The following TCAIM variants were observed in gnomAD, a reference collection of about 807,000 sequenced individuals.
TCAIM encodes T cell activation inhibitor, mitochondrial, also known as T-cell activation inhibitor, mitochondrial.
A neutral mutation model predicts 58.6 loss-of-function variants in TCAIM; 36 were observed. The ratio of observed to expected loss-of-function variants is 0.61; its 90% CI spans 0.47 to 0.81. The LOEUF is 0.81. Ranked by LOEUF, TCAIM falls within the 30% of genes least tolerant of loss-of-function variation. The pLI, the probability that TCAIM is intolerant of heterozygous loss-of-function variation, is 0.00. For synonymous variants in TCAIM, 172 were observed against 193.6 expected, an observed-to-expected ratio of 0.89 and a Z score of 0.93; for missense variants, 466 against 579.6, an observed-to-expected ratio of 0.80 and a Z score of 2.01.
intron 6 of TCAIM, 50 bp downstream of exon 6, chr3:44,393,027 A>G (rs1293775107): frequency 6.5e-7 from 1 of 1,535,938 alleles, no homozygotes; most frequent in Non-Finnish European, 8.9e-7. Context: ...AATATGAATT[A>G]CCAACTGATA....
At chr3:44,347,820 G>T (rs1187173085) in intron 1 of TCAIM, among the ~76,000 whole-genome samples, 1 of 152,094 alleles carries the variant, frequency 6.6e-6, no homozygotes, top group Non-Finnish European at 1.5e-5. Flanking sequence ...ATGGTAAGGG[G>T]GTGCATGATT....
intron 3 of TCAIM, chr3:44,358,483 A>G (rs1186447606): frequency 4.0e-6 from 2 of 502,596 alleles, no homozygotes; most frequent in Non-Finnish European, 6.8e-6. Context: ...TCTGTACTAC[A>G]CATGAACAAA....
intron 1 of TCAIM, 61 bp from the exon 2 acceptor site, chr3:44,354,678 G>A (rs779876347): frequency 1.3e-5 from 15 of 1,123,968 alleles, no homozygotes; most frequent in Admixed American, 2.4e-5. Context: ...AATATAAATC[G>A]CAATGTGTTT....
intron 5 of TCAIM, among the ~76,000 whole-genome samples, chr3:44,373,558 G>A (rs1701515023): frequency 6.6e-6 from 1 of 151,952 alleles, no homozygotes; most frequent in South Asian, 2.1e-4. Flanking sequence ...GGTGACTGAG[G>A]CAGGAGAACT....
At chr3:44,342,929 G>A (rs1410642393) in intron 1 of TCAIM, among the ~76,000 whole-genome samples, 1 of 152,016 alleles carries the variant, frequency 6.6e-6, no homozygotes, top group Non-Finnish European at 1.5e-5. Flanking sequence ...CTGAGGTCAG[G>A]AGTTCGAGAC....
Position 44,367,688 on chromosome 3 carries a change from G to A in TCAIM, c.552G>A (p.Ser184=), listed in dbSNP as rs114244225. The change falls in exon 5 of 11, where the codon TCG becomes TCA. Residue 184 remains serine, a synonymous_variant. Coordinates refer to ENST00000342649, the MANE Select transcript of TCAIM (RefSeq NM_173826.4). ...KDPDEDLEQV[S]RVETTLTSWL... The stretch of plus-strand genomic sequence containing the variant: ...CTGATGAAGACCTTGAACAAGTCTC[G>A]AGAGTGGAAACAACTCTCACGTATG... 2.2e-4 allele frequency: 350 copies of A among 1,611,666 alleles called. No homozygotes were observed. The African/African-American group carries it at 4.2e-3, about 19-fold the overall frequency.
At chr3:44,352,056 A>G (rs1241738100) in intron 1 of TCAIM, among the ~76,000 whole-genome samples, 1 of 148,896 alleles carries the variant, frequency 6.7e-6, no homozygotes, top group African/African-American at 2.4e-5. Context: ...TTATATATGT[A>G]TTATATATAA....
Position 44,361,493 on chromosome 3 carries a change from T to A in TCAIM, c.294T>A (p.Asp98Glu). The stretch of plus-strand genomic sequence containing the variant: ...GAGAAACAGACCAGAGTTCCTCCGA[T>A]GGCCAGGAACCTTTTAGTACTTCCG... ...YVRETDQSSS[D>E]GQEPFSTSGF... Residue 98 changes from aspartate (D) to glutamate (E), a missense_variant, in exon 4 of 11, where the codon GAT (aspartate) becomes GAA (glutamate). Physicochemically the swap from Asp to Glu is conservative, Grantham distance 45. Coordinates refer to ENST00000342649, the MANE Select transcript of TCAIM (RefSeq NM_173826.4). 1 of 1,606,002 alleles carries A rather than the reference T, an allele frequency of 6.2e-7. No homozygotes were observed. Among genetic ancestry groups the A allele is most frequent in the Non-Finnish European group, 8.5e-7 (1 of 1,177,056 alleles).
chr3:44,401,015 G>A, intron 9 of TCAIM, 188 bp from the exon 10 acceptor site: 1 of 778,232 alleles, frequency 1.3e-6, no homozygotes, highest in Non-Finnish European at 1.9e-6. Context: ...GGGCTTGCAA[G>A]TAGGTCGTGA....
intron 10 of TCAIM, 45 bp downstream of exon 10, chr3:44,401,379 C>G (rs1702020132): frequency 6.2e-7 from 1 of 1,607,754 alleles, no homozygotes; most frequent in African/African-American, 1.3e-5. Flanking sequence ...TTCAGTCTAA[C>G]TGAAAACCTC....
chr3:44,389,762 C>G (rs1158825786), intron 5 of TCAIM, among the ~76,000 whole-genome samples: 1 of 150,800 alleles, frequency 6.6e-6, no homozygotes, highest in Non-Finnish European at 1.5e-5. Context: ...AAAAAAACAT[C>G]GAACACTTTC....
At chr3:44,359,177 G>A in intron 3 of TCAIM, 2 of 736,146 alleles carry the variant, frequency 2.7e-6, no homozygotes, top group Non-Finnish European at 3.3e-6. Context: ...CTTGAGCCCA[G>A]GAATTCAAGC....
chr3:44,375,101 T>C (rs955645062), intron 5 of TCAIM, among the ~76,000 whole-genome samples: 1 of 152,218 alleles, frequency 6.6e-6, no homozygotes, highest in Non-Finnish European at 1.5e-5. Context: ...TCTTTTGGCT[T>C]CATTTTATTA....
rs924589693 is a variant in TCAIM, at chr3:44,409,245, G to C, written c.*1563G>C. 2 of 152,102 alleles carry C rather than the reference G, an allele frequency of 1.3e-5. No homozygotes were observed. The highest frequency in any genetic ancestry group is 2.9e-5 in the Non-Finnish European group (2 of 68,008). 9.4% of individuals were successfully genotyped at this position (152,102 alleles called of 1,614,324 possible). ...AACTGTACTTAAATTTTGTTTTCTA[G>C]TGTAACAAATGTTTCCCATAAGATT... On this transcript the variant is annotated 3_prime_UTR_variant, in exon 11 of 11. Coordinates refer to ENST00000342649, the MANE Select transcript of TCAIM (RefSeq NM_173826.4).
intron 6 of TCAIM, among the ~76,000 whole-genome samples, chr3:44,394,809 G>A (rs1388667232): frequency 1.4e-5 from 2 of 141,274 alleles, no homozygotes; most frequent in African/African-American, 5.3e-5. Context: ...CAGGAGAATT[G>A]CTTGAACTCA....
At chr3:44,357,672 A>G in intron 2 of TCAIM, 69 bp from the exon 3 acceptor site, 1 of 1,575,634 alleles carries the variant, frequency 6.3e-7, no homozygotes, top group Non-Finnish European at 8.6e-7. Context: ...TTTTATTGTC[A>G]CTTATACATT....
At chr3:44,396,958 T>C in intron 8 of TCAIM, 124 bp downstream of exon 8, 1 of 841,648 alleles carries the variant, frequency 1.2e-6, no homozygotes, top group Non-Finnish European at 1.8e-6. Context: ...TTTAATGTTT[T>C]TAATCGCAGT....
At chr3:44,404,041 C>T (rs962151190) in intron 10 of TCAIM, among the ~76,000 whole-genome samples, 6 of 152,284 alleles carry the variant, frequency 3.9e-5, no homozygotes, top group Admixed American at 6.5e-5. Flanking sequence ...TCCTCTCACT[C>T]GTTCTGCTCC....
intron 3 of TCAIM, among the ~76,000 whole-genome samples, chr3:44,360,549 A>G (rs1054497552): frequency 4.0e-5 from 6 of 151,718 alleles, no homozygotes; most frequent in African/African-American, 1.2e-4. Flanking sequence ...TCTCATTCCT[A>G]TATTCCTGTT....
Sources: allele counts gnomAD v4.1 joint callset (sites outside exome capture counted in the v4.1 genomes callset), GRCh38; gene constraint gnomAD v4.1.1; transcripts MANE v1.5; gene names NCBI Gene and HGNC (gene_info 2026-07-23, HGNC 2026-07-21).